COL5A2: variants seen among roughly 807,000 people sequenced by gnomAD.
COL5A2 encodes the protein collagen type V alpha 2 chain.
A neutral mutation model predicts 208.2 loss-of-function variants in COL5A2; 23 were observed. The observed-to-expected ratio is 0.11, with a 90% CI of 0.08 to 0.16. The LOEUF (loss-of-function observed/expected upper bound fraction) is 0.16, where lower values mean the gene tolerates loss of function less well. COL5A2 is among the 10% of genes least tolerant of loss of function. The pLI is 1.00. For missense variants in COL5A2, 1,590 were observed against 1,956.4 expected (o/e 0.81, Z 3.53); for synonymous variants, 625 against 628.5 (o/e 0.99, Z 0.08).
chr2:189,081,048 G>A lies in COL5A2; in HGVS notation c.853-5C>T. 6.2e-7 allele frequency: 1 copy of A among 1,612,956 alleles called. No homozygotes were observed. Among genetic ancestry groups the A allele is most frequent in the Non-Finnish European group, 8.5e-7 (1 of 1,179,158 alleles). On this transcript the variant is annotated splice_region_variant and splice_polypyrimidine_tract_variant and intron_variant, in intron 12 of 53. Transcript: ENST00000374866. ...CCCAGGAAATCCACGAGCTCCCTGGGAGGAAAACATAGATAGGGCATTTTA... is the reference window on the plus strand; with the variant it reads ...CCCAGGAAATCCACGAGCTCCCTGGAAGGAAAACATAGATAGGGCATTTTA...
At chr2:189,409,506 T>C in the COL5A2 span, among the ~76,000 whole-genome samples, 1 of 152,184 alleles carries the variant, frequency 6.6e-6, no homozygotes, top group African/African-American at 2.4e-5. Flanking sequence ...TAGTTTGTCA[T>C]TAATACTTTC....
intron 14 of COL5A2, among the ~76,000 whole-genome samples, chr2:189,079,568 A>G (rs1686487032): frequency 6.6e-6 from 1 of 152,188 alleles, no homozygotes; most frequent in Non-Finnish European, 1.5e-5. Flanking sequence ...TTCTCCCTGT[A>G]GAAATACAAA....
chr2:189,075,130 A>T (rs1559091759), intron 17 of COL5A2, among the ~76,000 whole-genome samples: 1 of 152,182 alleles, frequency 6.6e-6, no homozygotes, highest in Non-Finnish European at 1.5e-5. Flanking sequence ...TATATTAAAT[A>T]CTTATCTTTC....
chr2:189,233,555 G>GA, the COL5A2 span, among the ~76,000 whole-genome samples: 36 of 147,146 alleles, frequency 2.4e-4, no homozygotes, highest in African/African-American at 6.9e-4. Flanking sequence ...CTTGGTATTT[G>GA]AAAAAAAAAA....
In COL5A2 at chr2:189,068,344, T is replaced by C; in HGVS notation, c.1258-74A>G. 4.1e-6 allele frequency: 5 copies of C among 1,230,776 alleles called. No individual in the cohort carries two copies. In the South Asian group the frequency reaches 4.8e-5, roughly 12 times the overall value. 76.2% of individuals were successfully genotyped at this position (1,230,776 alleles called of 1,614,324 possible). A position where few individuals can be genotyped will look rare whatever the true frequency, so the allele number is the denominator to read the frequency against. On this transcript the variant is annotated intron_variant, in intron 19 of 53. Transcript: ENST00000374866. ...ATACAAATGTGCTAGTATACAGATG[T>C]CCAGCCATCTTCAAAAAGGAAGTAG...
the COL5A2 span, among the ~76,000 whole-genome samples, chr2:189,328,079 C>G: frequency 6.6e-6 from 1 of 152,174 alleles, no homozygotes; most frequent in Non-Finnish European, 1.5e-5. Flanking sequence ...TATTTCATAG[C>G]AATGCTCTCA....
chr2:189,119,616 G>C (rs989185823), intron 1 of COL5A2, among the ~76,000 whole-genome samples: 1 of 151,802 alleles, frequency 6.6e-6, no homozygotes, highest in Non-Finnish European at 1.5e-5. Context: ...TTTAAACATG[G>C]TGACTACGAA....
the COL5A2 span, among the ~76,000 whole-genome samples, chr2:189,267,744 CATT>C: frequency 2.0e-5 from 3 of 151,976 alleles, no homozygotes; most frequent in African/African-American, 4.8e-5. Flanking sequence ...GTGTGTCTCA[CATT>C]ATATTTATAT....
At chr2:189,348,892 T>A in the COL5A2 span, among the ~76,000 whole-genome samples, 2 of 152,166 alleles carry the variant, frequency 1.3e-5, no homozygotes, top group African/African-American at 4.8e-5. Flanking sequence ...TTACCAGCCA[T>A]CATTTTTAGT....
At chr2:189,384,454 A>C in the COL5A2 span, among the ~76,000 whole-genome samples, 1 of 152,120 alleles carries the variant, frequency 6.6e-6, no homozygotes, top group Non-Finnish European at 1.5e-5. Flanking sequence ...CATTTTAACT[A>C]GGATGAGATA....
chr2:189,251,794 A>T, the COL5A2 span, among the ~76,000 whole-genome samples: 1 of 152,234 alleles, frequency 6.6e-6, no homozygotes, highest in Non-Finnish European at 1.5e-5. Context: ...TTCGCACAGC[A>T]AAAGAAACTA....
intron 1 of COL5A2, among the ~76,000 whole-genome samples, chr2:189,203,456 A>C (rs563790622): frequency 6.6e-6 from 1 of 152,222 alleles, no homozygotes; most frequent in East Asian, 1.9e-4. Context: ...AAAACTGCTG[A>C]ATTAGACATA....
chr2:189,320,234 CTG>C, the COL5A2 span, among the ~76,000 whole-genome samples: 10 of 152,134 alleles, frequency 6.6e-5, no homozygotes, highest in Non-Finnish European at 1.5e-4. Context: ...AGCAGAAAAA[CTG>C]AAAATTCTAA....
At chr2:189,170,204 G>A (rs948164326) in intron 1 of COL5A2, among the ~76,000 whole-genome samples, 14 of 152,030 alleles carry the variant, frequency 9.2e-5, no homozygotes, top group South Asian at 2.1e-4. Context: ...AAAATTGCCC[G>A]AGAATATGGA....
At chr2:189,220,822 C>T (rs1689339666) in intron 1 of COL5A2, among the ~76,000 whole-genome samples, 1 of 152,178 alleles carries the variant, frequency 6.6e-6, no homozygotes. Context: ...AGGCCCATCA[C>T]CCAGGCCTCC....
the COL5A2 span, among the ~76,000 whole-genome samples, chr2:189,431,144 C>A: frequency 3.3e-5 from 5 of 151,598 alleles, no homozygotes; most frequent in Non-Finnish European, 7.4e-5. Flanking sequence ...GGAATAGCAT[C>A]AACATCAACA....
intron 1 of COL5A2, among the ~76,000 whole-genome samples, chr2:189,138,303 C>T (rs957351419): frequency 1.4e-4 from 22 of 152,066 alleles, no homozygotes; most frequent in Non-Finnish European, 3.1e-4. Flanking sequence ...TATTTCCAGC[C>T]TCTGTCTAGC....
At chr2:189,338,496 T>C in the COL5A2 span, among the ~76,000 whole-genome samples, 2 of 152,008 alleles carry the variant, frequency 1.3e-5, no homozygotes, top group Non-Finnish European at 2.9e-5. Context: ...CCAAGGCCTC[T>C]TCTCCGTTCC....
chr2:189,297,058 G>A, the COL5A2 span, among the ~76,000 whole-genome samples: 1 of 152,138 alleles, frequency 6.6e-6, no homozygotes, highest in South Asian at 2.1e-4. Context: ...CAGTGGAAAA[G>A]CCATATAAAC....
Sources: gnomAD v4.1 joint callset for allele counts (sites outside exome capture counted in the v4.1 genomes callset) on GRCh38, gnomAD v4.1.1 for gene constraint, MANE v1.5 for transcripts, NCBI Gene and HGNC (gene_info 2026-07-23, HGNC 2026-07-21) for gene names.